VMA22: variants seen among roughly 807,000 people sequenced by gnomAD.
VMA22 encodes the protein vacuolar ATPase assembly factor VMA22.
chr2:130,339,091 G>T, the VMA22 span: 1 of 1,547,582 alleles, frequency 6.5e-7, no homozygotes, highest in Non-Finnish European at 8.9e-7. Flanking sequence ...GAACAGCTGT[G>T]CTCGCTGCCC....
At chr2:130,340,699 T>A in the VMA22 span, 1 of 606,000 alleles carries the variant, frequency 1.7e-6, no homozygotes, top group Non-Finnish European at 2.9e-6. Flanking sequence ...TGTTCCCTGC[T>A]GTATCCCCAG....
the VMA22 span, chr2:130,339,339 C>A: frequency 7.5e-7 from 1 of 1,329,664 alleles, no homozygotes; most frequent in Non-Finnish European, 1.0e-6. Context: ...TCTCTGCCCC[C>A]CACACTTGTC....
At chr2:130,341,889 G>A in the VMA22 span, 11 of 1,611,854 alleles carry the variant, frequency 6.8e-6, no homozygotes, top group East Asian at 2.5e-4. Context: ...ATACTGCAGG[G>A]GCCCTACCGA....
chr2:130,340,680 T>G, the VMA22 span: 1 of 567,848 alleles, frequency 1.8e-6, no homozygotes, highest in Non-Finnish European at 3.1e-6. Context: ...GAAAAGTGTT[T>G]GTCTCTTTTG....
the VMA22 span, chr2:130,342,153 T>C: frequency 2.6e-5 from 42 of 1,611,428 alleles, no homozygotes; most frequent in Non-Finnish European, 3.5e-5. Flanking sequence ...TGGAGCCACC[T>C]TCTTCCTTGT....
At chr2:130,342,001 C>G in the VMA22 span, 1 of 1,613,534 alleles carries the variant, frequency 6.2e-7, no homozygotes, top group South Asian at 1.1e-5. Context: ...CTCCTGCCCG[C>G]CCCAGGCGCC....
At chr2:130,339,619 C>G in the VMA22 span, 16 of 1,305,688 alleles carry the variant, frequency 1.2e-5, no homozygotes, top group Non-Finnish European at 1.6e-5. Context: ...CTCTAGATGG[C>G]TTTTGCTGAT....
the VMA22 span, chr2:130,342,377 G>C: frequency 1.6e-6 from 1 of 639,206 alleles, no homozygotes; most frequent in Non-Finnish European, 2.7e-6. Context: ...TGTCGGCTAG[G>C]GTTATAGGTG....
At chr2:130,340,808 G>A in the VMA22 span, 2 of 1,441,362 alleles carry the variant, frequency 1.4e-6, no homozygotes, top group Non-Finnish European at 1.9e-6. Flanking sequence ...AACCTGCAAA[G>A]CCTTTCACAG....
At chr2:130,341,383 A>T in the VMA22 span, 7 of 550,292 alleles carry the variant, frequency 1.3e-5, 1 homozygote, top group Admixed American at 1.1e-4. Context: ...AACTGGGATT[A>T]GAAGTTTGTC....
chr2:130,341,974 G>C, the VMA22 span: 1 of 1,613,016 alleles, frequency 6.2e-7, no homozygotes, highest in East Asian at 2.2e-5. Flanking sequence ...GTGAGACTCA[G>C]TTTACGCCCG....
chr2:130,339,086 G>T, the VMA22 span: 1 of 1,516,772 alleles, frequency 6.6e-7, no homozygotes, highest in Non-Finnish European at 9.1e-7. Context: ...TCGGAGAACA[G>T]CTGTGCTCGC....
the VMA22 span, chr2:130,339,418 G>A: frequency 2.8e-6 from 4 of 1,418,378 alleles, no homozygotes; most frequent in East Asian, 5.1e-5. Context: ...CCTCCTTCAG[G>A]TCTTTGCTAA....
At chr2:130,342,265 G>A in the VMA22 span, 2 of 1,514,806 alleles carry the variant, frequency 1.3e-6, no homozygotes, top group South Asian at 1.2e-5. Flanking sequence ...CAAGGCCTCT[G>A]GGTCAGCTTC....
At chr2:130,339,080 A>G in the VMA22 span, 1 of 1,490,676 alleles carries the variant, frequency 6.7e-7, no homozygotes, top group Non-Finnish European at 9.3e-7. Flanking sequence ...GCCATGTCGG[A>G]GAACAGCTGT....
the VMA22 span, chr2:130,340,034 C>T: frequency 3.9e-6 from 1 of 253,890 alleles, no homozygotes; most frequent in Non-Finnish European, 7.9e-6. Flanking sequence ...CCACACAGAC[C>T]ACACCAACTC....
At chr2:130,341,131 T>C in the VMA22 span, 17 of 1,404,994 alleles carry the variant, frequency 1.2e-5, no homozygotes, top group South Asian at 5.9e-5. Context: ...AGCTCATGAT[T>C]CTATAAAACA....
chr2:130,337,989 C>T, the VMA22 span, among the ~76,000 whole-genome samples: 1 of 152,258 alleles, frequency 6.6e-6, no homozygotes, highest in East Asian at 1.9e-4. Context: ...GAATGAAAAC[C>T]CCCAAATTAC....
chr2:130,338,356 A>G, the VMA22 span: 2 of 152,362 alleles, frequency 1.3e-5, no homozygotes, highest in African/African-American at 4.8e-5. Flanking sequence ...GCAAAAAGAT[A>G]AACTGGAAAA....
Sources: allele counts gnomAD v4.1 joint callset (sites outside exome capture counted in the v4.1 genomes callset), GRCh38; gene constraint gnomAD v4.1.1; transcripts MANE v1.5; gene names NCBI Gene and HGNC (gene_info 2026-07-23, HGNC 2026-07-21).